COPG2: variants seen among roughly 807,000 people sequenced by gnomAD.
COPG2 encodes coatomer subunit gamma-2.
A neutral mutation model predicts 46.3 loss-of-function variants in COPG2; 37 were observed. That is an observed-to-expected ratio of 0.80 (90% CI 0.61 to 1.05). The LOEUF is 1.05. Ranked by LOEUF, COPG2 falls within the 50% of genes least tolerant of loss-of-function variation. COPG2 has a pLI of 0.00. For missense variants in COPG2, 427 were observed against 387.8 expected, an observed-to-expected ratio of 1.10 and a Z score of -0.85; for synonymous variants, 159 against 129.7, an observed-to-expected ratio of 1.23 and a Z score of -1.53.
chr7:130,557,253 A>G (rs974104576), intron 12 of COPG2, among the ~76,000 whole-genome samples: 32 of 152,208 alleles, frequency 2.1e-4, no homozygotes, highest in African/African-American at 7.7e-4. Context: ...CATTTATAAT[A>G]GCAATGAAAA....
intron 9 of COPG2, among the ~76,000 whole-genome samples, chr7:130,574,022 T>C (rs926716422): frequency 3.9e-4 from 60 of 152,296 alleles, no homozygotes; most frequent in African/African-American, 1.3e-3. Flanking sequence ...AAAATATATG[T>C]ACACACAAAG....
At chr7:130,524,311 A>T (rs1799754244) in intron 20 of COPG2, among the ~76,000 whole-genome samples, 1 of 152,066 alleles carries the variant, frequency 6.6e-6, no homozygotes, top group African/African-American at 2.4e-5. Flanking sequence ...TTCACGACTT[A>T]GGCCAGTGGG....
At chr7:130,511,686 A>G in intron 20 of COPG2, 1 of 513,564 alleles carries the variant, frequency 1.9e-6, no homozygotes, top group Non-Finnish European at 3.9e-6. Flanking sequence ...AGCAAAGGAA[A>G]GAAAATATTA....
At chr7:130,622,453 T>C (rs1261984862) in intron 5 of COPG2, among the ~76,000 whole-genome samples, 1 of 152,214 alleles carries the variant, frequency 6.6e-6, no homozygotes, top group Non-Finnish European at 1.5e-5. Context: ...AGATAAGGCC[T>C]GAGACCATGT....
intron 5 of COPG2, among the ~76,000 whole-genome samples, chr7:130,623,371 C>G (rs190524072): frequency 6.6e-6 from 1 of 152,278 alleles, no homozygotes; most frequent in African/African-American, 2.4e-5. Flanking sequence ...ATCAGTCTGA[C>G]CAAGGTGACC....
chr7:130,558,067 A>C (rs1793660734), intron 12 of COPG2, among the ~76,000 whole-genome samples: 1 of 152,026 alleles, frequency 6.6e-6, no homozygotes, highest in African/African-American at 2.4e-5. Context: ...TGATGTCTGA[A>C]ATTACTGGGG....
chr7:130,655,148 C>A (rs6467311), intron 4 of COPG2, among the ~76,000 whole-genome samples: 139,629 of 152,142 alleles, frequency 0.92, 64,229 homozygotes, highest in Middle Eastern at 0.96. Flanking sequence ...CATATCTGAT[C>A]ATTTATTAGA....
At chr7:130,571,080 C>A (rs1389069726) in intron 9 of COPG2, among the ~76,000 whole-genome samples, 1 of 152,162 alleles carries the variant, frequency 6.6e-6, no homozygotes, top group Non-Finnish European at 1.5e-5. Flanking sequence ...AATCTAAGAC[C>A]TGAAACCATT....
chr7:130,613,508 C>A, intron 7 of COPG2, 36 bp downstream of exon 7: 1 of 1,299,612 alleles, frequency 7.7e-7, no homozygotes, highest in South Asian at 1.3e-5. Context: ...AAAACTGTAC[C>A]ATGCTTAAGA....
chr7:130,564,209 T>G, intron 10 of COPG2, 51 bp downstream of exon 10: 1 of 398,488 alleles, frequency 2.5e-6, no homozygotes, highest in Non-Finnish European at 4.4e-6. Flanking sequence ...CTATGAAACT[T>G]AAAGCAAAAA....
At chr7:130,651,737 C>G (rs1005642941) in intron 5 of COPG2, among the ~76,000 whole-genome samples, 2 of 150,622 alleles carry the variant, frequency 1.3e-5, no homozygotes, top group African/African-American at 4.9e-5. Context: ...AGGATGGTCT[C>G]GATCTCCTGA....
intron 20 of COPG2, among the ~76,000 whole-genome samples, chr7:130,541,182 A>G (rs1376996811): frequency 5.3e-5 from 8 of 152,310 alleles, no homozygotes; most frequent in East Asian, 3.9e-4. Flanking sequence ...AGATGGATGT[A>G]GCCGAAAAGG....
At chr7:130,587,034 T>TGGTGGCTC (rs1554448098) in intron 9 of COPG2, among the ~76,000 whole-genome samples, 1 of 151,772 alleles carries the variant, frequency 6.6e-6, no homozygotes, top group Non-Finnish European at 1.5e-5. Context: ...CAGCTGGGCG[T>TGGTGGCTC]GGTGGCTCAC....
chr7:130,544,885 C>A (rs995416811), intron 20 of COPG2, among the ~76,000 whole-genome samples: 1 of 151,868 alleles, frequency 6.6e-6, no homozygotes, highest in Non-Finnish European at 1.5e-5. Context: ...CCAACCTTTG[C>A]GAGAAGGTGT....
At chr7:130,543,504 C>T (rs1037774030) in intron 20 of COPG2, among the ~76,000 whole-genome samples, 1 of 152,046 alleles carries the variant, frequency 6.6e-6, no homozygotes, top group South Asian at 2.1e-4. Context: ...GTTTATGAAG[C>T]GGAGTCTGAA....
At chr7:130,654,870 T>C (rs552111943) in intron 4 of COPG2, among the ~76,000 whole-genome samples, 6 of 152,230 alleles carry the variant, frequency 3.9e-5, no homozygotes, top group Non-Finnish European at 8.8e-5. Flanking sequence ...ATCTCTAATT[T>C]GCTATTAACC....
In COPG2 at chr7:130,591,914, T is replaced by C. The variant is rs1457306309; in HGVS notation, c.737+19039A>G. ...TCTGGGAGGTGTACTCAACAGCTCA[T>C]TGAGAACAGGCCATGATGACAATGG... On this transcript the variant is annotated intron_variant, in intron 9 of 23. Coordinates refer to ENST00000425248, the MANE Select transcript of COPG2 (RefSeq NM_012133.6). Among the ~76,000 whole-genome samples, 4 of 152,040 alleles carry C rather than the reference T, an allele frequency of 2.6e-5. No individual in the cohort carries two copies. In the East Asian group the frequency reaches 5.8e-4, roughly 22 times the overall value.
intron 5 of COPG2, among the ~76,000 whole-genome samples, chr7:130,649,657 G>A (rs1554458825): frequency 6.6e-6 from 1 of 152,178 alleles, no homozygotes; most frequent in African/African-American, 2.4e-5. Flanking sequence ...TCTCTAAGAT[G>A]ATAAATGTTT....
At chr7:130,540,411 TGG>T in intron 20 of COPG2, among the ~76,000 whole-genome samples, 1 of 150,350 alleles carries the variant, frequency 6.7e-6, no homozygotes, top group Non-Finnish European at 1.5e-5. Flanking sequence ...AAAAAAGGGG[TGG>T]GGATTAAGGA....
Sources: gnomAD v4.1 joint callset for allele counts (sites outside exome capture counted in the v4.1 genomes callset) on GRCh38, gnomAD v4.1.1 for gene constraint, MANE v1.5 for transcripts, NCBI Gene and HGNC (gene_info 2026-07-23, HGNC 2026-07-21) for gene names.